PRKN: variants seen among roughly 807,000 people sequenced by gnomAD.
PRKN encodes the protein E3 ubiquitin-protein ligase parkin.
PRKN carries 56 observed loss-of-function variants against 59.5 expected under a neutral mutation model. The observed-to-expected ratio is 0.94, with a 90% CI of 0.76 to 1.18. The LOEUF is 1.18. PRKN is among the 50% of genes most tolerant of loss of function. The pLI is 0.00. For synonymous variants in PRKN, 250 were observed against 222.1 expected, an observed-to-expected ratio of 1.13 and a Z score of -1.12; for missense variants, 657 against 596.4, an observed-to-expected ratio of 1.10 and a Z score of -1.06.
In PRKN at chr6:162,021,187, T is replaced by A. The variant is rs1281831467; in HGVS notation, c.618+32904A>T. Among the ~76,000 whole-genome samples the A allele has an allele frequency of 4.0e-3, 91 of 22,774 alleles. 2 individuals carry two copies. The highest frequency in any genetic ancestry group is 8.8e-3 in the Non-Finnish European group (83 of 9,380). The allele number at this position is 22,774 out of a possible 152,430, so 14.9% of individuals were successfully genotyped here. A position where few individuals can be genotyped will look rare whatever the true frequency, so the allele number is the denominator to read the frequency against. On this transcript the variant is annotated intron_variant, in intron 5 of 11. Coordinates refer to ENST00000366898, the MANE Select transcript of PRKN (RefSeq NM_004562.3). The stretch of plus-strand genomic sequence containing the variant: ...ATATAAAATATATGTGTATATATAT[T>A]ATATATATAATATATATAATATATA...
At chr6:161,943,335 C>T (rs1427135562) in intron 6 of PRKN, among the ~76,000 whole-genome samples, 1 of 152,222 alleles carries the variant, frequency 6.6e-6, no homozygotes, top group Non-Finnish European at 1.5e-5. Context: ...TATCAATACA[C>T]TCTGTGCCAA....
chr6:161,450,238 A>G (rs575370739), intron 9 of PRKN, among the ~76,000 whole-genome samples: 2 of 152,188 alleles, frequency 1.3e-5, no homozygotes, highest in Non-Finnish European at 2.9e-5. Flanking sequence ...AAAGACGCTG[A>G]GCCTTAGGGA....
At chr6:162,110,776 C>T (rs1323394491) in intron 4 of PRKN, among the ~76,000 whole-genome samples, 1 of 152,102 alleles carries the variant, frequency 6.6e-6, no homozygotes, top group East Asian at 1.9e-4. Context: ...ATCACAAACG[C>T]CACCAGATGA....
At chr6:161,650,109 G>A (rs1055227441) in intron 7 of PRKN, among the ~76,000 whole-genome samples, 9 of 152,172 alleles carry the variant, frequency 5.9e-5, no homozygotes, top group South Asian at 4.1e-4. Flanking sequence ...CCTACAGGTC[G>A]TTCCAGATGA....
intron 2 of PRKN, among the ~76,000 whole-genome samples, chr6:162,288,711 G>A (rs560524468): frequency 6.6e-6 from 1 of 152,190 alleles, no homozygotes; most frequent in South Asian, 2.1e-4. Flanking sequence ...ATTAAACCAA[G>A]CCCACAAACA....
Position 161,498,956 on chromosome 6 carries a change from T to C in PRKN, c.1083+49898A>G, listed in dbSNP as rs1163730801. ...GTGTGTGTATGGGGATGGGGGAGGA[T>C]TGAGATTCTTCTTTATCTTCTACTG... On this transcript the variant is annotated intron_variant, in intron 9 of 11. Coordinates refer to ENST00000366898, the MANE Select transcript of PRKN (RefSeq NM_004562.3). This position sits in a 1 kb window ranked among gnomAD's most constrained non-coding sequence, Gnocchi z 4.2. Among the ~76,000 whole-genome samples the C allele has an allele frequency of 2.6e-5, 4 of 152,052 alleles. No homozygotes were observed. The highest frequency in any genetic ancestry group is 5.9e-5 in the Non-Finnish European group (4 of 68,006).
At chr6:162,107,916 C>A (rs1780262122) in intron 4 of PRKN, among the ~76,000 whole-genome samples, 1 of 151,994 alleles carries the variant, frequency 6.6e-6, no homozygotes, top group Non-Finnish European at 1.5e-5. Context: ...AAGTTCCAAG[C>A]CCAAAATTTA....
chr6:162,337,814 C>A lies in PRKN; in HGVS notation c.172-75049G>T, dbSNP rs554088898. On this transcript the variant is annotated intron_variant, in intron 2 of 11. Transcript: ENST00000366898. ...TGAAACAGATGAATACAAAAGTACG[C>A]TGAAGAGACTGATGTTAAATGGAAT... Among the ~76,000 whole-genome samples, 50 of 152,062 alleles carry A rather than the reference C, an allele frequency of 3.3e-4. 1 individual carries two copies. Among genetic ancestry groups the A allele is most frequent in the African/African-American group, 1.2e-3 (49 of 41,458 alleles).
intron 7 of PRKN, among the ~76,000 whole-genome samples, chr6:161,613,286 G>A (rs886859910): frequency 6.6e-6 from 1 of 152,110 alleles, no homozygotes; most frequent in Admixed American, 6.5e-5. Context: ...TACAAGTGGA[G>A]CCTGAAGATG....
intron 4 of PRKN, among the ~76,000 whole-genome samples, chr6:162,055,203 G>T (rs989867454): frequency 1.4e-4 from 22 of 152,026 alleles, no homozygotes; most frequent in African/African-American, 5.1e-4. Context: ...AAAAGCAAAA[G>T]GCAGATAGGG....
chr6:162,376,873 A>AG (rs1391777353), intron 2 of PRKN, among the ~76,000 whole-genome samples: 1 of 87,080 alleles, frequency 1.1e-5, no homozygotes, highest in Admixed American at 1.3e-4. Flanking sequence ...GGGGAGGAAG[A>AG]GGGGGAGAGG....
chr6:162,118,885 A>C (rs894653734), intron 4 of PRKN, among the ~76,000 whole-genome samples: 2 of 152,220 alleles, frequency 1.3e-5, no homozygotes, highest in Non-Finnish European at 2.9e-5. Flanking sequence ...TCTAGAGCAC[A>C]CATAGACTTG....
At chr6:162,169,581 G>A (rs538510874) in intron 4 of PRKN, among the ~76,000 whole-genome samples, 8 of 152,240 alleles carry the variant, frequency 5.3e-5, no homozygotes, top group Non-Finnish European at 8.8e-5. Flanking sequence ...TAGCTGATTA[G>A]CATGCCCTGA....
intron 10 of PRKN, among the ~76,000 whole-genome samples, chr6:161,384,940 G>T (rs867893060): frequency 1.3e-5 from 2 of 151,960 alleles, no homozygotes; most frequent in African/African-American, 4.8e-5. Flanking sequence ...TTCTTTTTTT[G>T]AGGGGGTGGG....
chr6:162,327,978 C>T (rs1168274487), intron 2 of PRKN, among the ~76,000 whole-genome samples: 3 of 152,206 alleles, frequency 2.0e-5, no homozygotes, highest in African/African-American at 7.2e-5. Context: ...CCAAGATGGG[C>T]ATGGGCATTT....
intron 1 of PRKN, among the ~76,000 whole-genome samples, chr6:162,681,350 T>C (rs1779761342): frequency 6.6e-6 from 1 of 152,160 alleles, no homozygotes; most frequent in African/African-American, 2.4e-5. Flanking sequence ...AAGTTGGTGT[T>C]GGGTGATGAA....
intron 1 of PRKN, among the ~76,000 whole-genome samples, chr6:162,469,338 T>TG (rs1554331567): frequency 0.023 from 136 of 5,934 alleles, 3 homozygotes; most frequent in African/African-American, 0.055. Flanking sequence ...GTTAAGAAAG[T>TG]GGGGGGGTTG....
intron 1 of PRKN, among the ~76,000 whole-genome samples, chr6:162,554,787 A>G (rs1208214731): frequency 1.3e-5 from 2 of 152,142 alleles, no homozygotes; most frequent in Non-Finnish European, 2.9e-5. Flanking sequence ...AAGGCGAAAG[A>G]CCCAGCCAAG....
At chr6:162,237,816 G>A (rs979623168) in intron 3 of PRKN, among the ~76,000 whole-genome samples, 6 of 151,832 alleles carry the variant, frequency 4.0e-5, no homozygotes, top group Non-Finnish European at 5.9e-5. Flanking sequence ...TGAGGTAGGA[G>A]GGTGCATTTC....
Sources: gnomAD v4.1 joint callset for allele counts (sites outside exome capture counted in the v4.1 genomes callset) on GRCh38, gnomAD v4.1.1 for gene constraint, Gnocchi (gnomAD v3.1) non-coding constraint, MANE v1.5 for transcripts, NCBI Gene and HGNC (gene_info 2026-07-23, HGNC 2026-07-21) for gene names.